TRPM5: variants seen among roughly 807,000 people sequenced by gnomAD.
TRPM5 encodes the protein transient receptor potential cation channel subfamily M member 5.
TRPM5 carries 121 observed loss-of-function variants against 124.9 expected under a neutral mutation model. The observed-to-expected ratio is 0.97, with a 90% CI of 0.84 to 1.13. The LOEUF is 1.13. Among genes scored for constraint, TRPM5 ranks in the 50% most tolerant of loss-of-function variants. The probability of loss-of-function intolerance (pLI) is 0.00; values close to 1 mark genes in which losing one functional copy is unlikely to be tolerated. For missense variants in TRPM5, 1,643 were observed against 1,589.1 expected (o/e 1.03, Z -0.58); for synonymous variants, 781 against 700.5 (o/e 1.11, Z -1.81).
At chr11:2,433,880 G>C in the TRPM5 span, among the ~76,000 whole-genome samples, 1 of 152,126 alleles carries the variant, frequency 6.6e-6, no homozygotes, top group African/African-American at 2.4e-5. Context: ...CTGTGGGTGT[G>C]TCTGTGTGAC....
At chr11:2,404,202 G>T (rs1850266456), downstream of TRPM5, among the ~76,000 whole-genome samples, 2 of 152,352 alleles carry the variant, frequency 1.3e-5, no homozygotes, top group Admixed American at 1.3e-4. Context: ...GACAAAATGG[G>T]TGTGGACAGA....
chr11:2,415,008 G>T (rs1850539199), exon 10 of TRPM5: 1 of 1,604,896 alleles, frequency 6.2e-7, no homozygotes. Context: ...AGGTCCAGCA[G>T]CCACTTCTGG....
chr11:2,413,397 C>CAA (rs1850494149), intron 13 of TRPM5, 79 bp downstream of exon 18: 3 of 1,403,286 alleles, frequency 2.1e-6, no homozygotes, highest in Non-Finnish European at 2.9e-6. Context: ...CCAGCACCTG[C>CAA]GAGGCCCAGG....
intron 8 of TRPM5, 131 bp downstream of exon 13, chr11:2,415,775 C>T (rs1267322403): frequency 1.4e-6 from 1 of 716,350 alleles, no homozygotes; most frequent in Non-Finnish European, 2.3e-6. Context: ...GTGGCCTGGT[C>T]TTGCCCCGGA....
chr11:2,417,487 A>C (rs1565012572), intron 7 of TRPM5, among the ~76,000 whole-genome samples: 1 of 151,604 alleles, frequency 6.6e-6, no homozygotes, highest in East Asian at 1.9e-4. Context: ...ACAAAAAACA[A>C]CCCCCCCACC....
At chr11:2,431,926 C>G in the TRPM5 span, among the ~76,000 whole-genome samples, 230 of 152,344 alleles carry the variant, frequency 1.5e-3, no homozygotes, top group African/African-American at 5.3e-3. Context: ...GGGCCCAGAA[C>G]ACGCAGGTAC....
At chr11:2,413,383 A>C in intron 13 of TRPM5, 93 bp downstream of exon 18, 4 of 1,340,482 alleles carry the variant, frequency 3.0e-6, no homozygotes, top group South Asian at 2.8e-5. Flanking sequence ...GAGTCAGGCT[A>C]CCACCAGCAC....
At chr11:2,429,265 G>A in the TRPM5 span, among the ~76,000 whole-genome samples, 2 of 151,246 alleles carry the variant, frequency 1.3e-5, no homozygotes, top group Admixed American at 1.3e-4. The surrounding 1 kb of genome is among the most constrained non-coding windows in gnomAD (Gnocchi z 8.4). Context: ...TGGTGTTCAT[G>A]GTGATGGTGA....
chr11:2,415,268 G>GGCCAGCGTCAGCCGCCCC (rs1256703637), exon 9 of TRPM5: 19 of 1,572,440 alleles, frequency 1.2e-5, no homozygotes, highest in Non-Finnish European at 1.5e-5. Context: ...TGCCCAGGCC[G>GGCCAGCGTCAGCCGCCCC]GCCAGCGTCA....
At chr11:2,420,054 C>T (rs538556433) in intron 4 of TRPM5, among the ~76,000 whole-genome samples, 168 bp downstream of exon 9, 4 of 48,890 alleles carry the variant, frequency 8.2e-5, no homozygotes, top group South Asian at 8.4e-4. Flanking sequence ...CAGGCCCCCA[C>T]GGCCCAGGCC....
rs745981755 is a variant in TRPM5, at chr11:2,412,735, G to T, written c.2355+19C>A. 2.5e-6 allele frequency: 4 copies of T among 1,574,608 alleles called. No individual in the cohort carries two copies. In the Admixed American group the frequency reaches 7.1e-5, roughly 28 times the overall value. ...GAAGCTGCAGAGTGGAGGGGACCTA[G>T]GCTAGTGTGGCCACCGACCTGCCGG... On this transcript the variant is annotated intron_variant, in intron 15 of 23. Transcript: ENST00000155858.
intron 3 of TRPM5, among the ~76,000 whole-genome samples, chr11:2,420,632 T>C (rs1177873036): frequency 6.6e-6 from 1 of 152,212 alleles, no homozygotes; most frequent in Non-Finnish European, 1.5e-5. Context: ...GAGCGGGTTC[T>C]TTTAGACAGA....
the TRPM5 span, among the ~76,000 whole-genome samples, chr11:2,428,102 G>T: frequency 6.6e-6 from 1 of 152,306 alleles, no homozygotes; most frequent in East Asian, 1.9e-4. The surrounding 1 kb of genome is among the most constrained non-coding windows in gnomAD (Gnocchi z 4.0). Context: ...CGCAGTCCTG[G>T]GATTGGATCC....
chr11:2,418,942 C>T (rs987220729), intron 4 of TRPM5, among the ~76,000 whole-genome samples: 2 of 152,184 alleles, frequency 1.3e-5, no homozygotes, highest in South Asian at 2.1e-4. Flanking sequence ...TCTCGACCAT[C>T]GAGGGAGCTC....
intron 18 of TRPM5, among the ~76,000 whole-genome samples, chr11:2,408,445 AAATGT>A (rs1156855262): frequency 6.6e-6 from 1 of 152,190 alleles, no homozygotes; most frequent in Non-Finnish European, 1.5e-5. Flanking sequence ...CACCTTTCCA[AAATGT>A]ATTGAGCCAG....
chr11:2,404,590 G>T, exon 24 of TRPM5: 1 of 267,920 alleles, frequency 3.7e-6, no homozygotes, highest in Non-Finnish European at 7.1e-6. Context: ...GAGCAGCTTC[G>T]CAGTCTGGAT....
rs374016490 is a variant in TRPM5, at chr11:2,415,036, C to T, written c.1491G>A (p.Pro497=). 106 of 1,601,804 alleles carry T rather than the reference C, an allele frequency of 6.6e-5. 2 individuals are homozygous for T. The highest frequency in any genetic ancestry group is 2.9e-4 in the African/African-American group (22 of 75,008). Residue 497 remains proline, a synonymous_variant, in exon 10 of 24, where the codon CCG becomes CCA. Coordinates refer to ENST00000155858, the Ensembl canonical transcript of TRPM5. Reference sequence around the variant, plus strand: ...ACTTCTGGCCCGTGGGCCGCTTGGCCGGGCCCTTCTCCTGGAGGACACGGG... The same window carrying T: ...ACTTCTGGCCCGTGGGCCGCTTGGCTGGGCCCTTCTCCTGGAGGACACGGG...
exon 11 of TRPM5, chr11:2,414,716 A>G (rs4929981): frequency 0.72 from 1,101,514 of 1,533,834 alleles, 397,464 homozygotes; most frequent in East Asian, 0.9. Context: ...GTCACTCACC[A>G]AGGGCCAGCC....
chr11:2,421,477 T>G (rs11022746), intron 2 of TRPM5, among the ~76,000 whole-genome samples: 109,870 of 152,118 alleles, frequency 0.72, 39,920 homozygotes, highest in East Asian at 0.85. Flanking sequence ...CCCCCCACCG[T>G]GCTCCCTCCG....
Sources: allele counts gnomAD v4.1 joint callset (sites outside exome capture counted in the v4.1 genomes callset), GRCh38; gene constraint gnomAD v4.1.1; non-coding constraint Gnocchi (gnomAD v3.1); transcripts MANE v1.5; gene names NCBI Gene and HGNC (gene_info 2026-07-23, HGNC 2026-07-21).